UTP20: variants seen among roughly 807,000 people sequenced by gnomAD.
The protein encoded by UTP20 is small subunit processome component 20 homolog.
UTP20 carries 164 observed loss-of-function variants against 329.5 expected under a neutral mutation model. The observed-to-expected ratio is 0.50, with a 90% CI of 0.44 to 0.57. The LOEUF is 0.57. UTP20 is among the 20% of genes least tolerant of loss of function. The pLI is 0.00. For missense variants in UTP20, 3,055 were observed against 3,284.2 expected (o/e 0.93, Z 1.71); for synonymous variants, 1,151 against 1,159.3 (o/e 0.99, Z 0.14).
At chr12:101,322,391 C>G (rs1868393928) in intron 25 of UTP20, among the ~76,000 whole-genome samples, 1 of 152,224 alleles carries the variant, frequency 6.6e-6, no homozygotes, top group Admixed American at 6.5e-5. Flanking sequence ...AGAAATATTT[C>G]ACTCTGTTTT....
At position 101,333,524 on chromosome 12, in the gene UTP20, A is replaced by G. The variant is rs552411019; in HGVS notation, c.3561+80A>G. On this transcript the variant is annotated intron_variant, in intron 28 of 61. Transcript: ENST00000261637. ...TAACTCACCAACATAGCTACCACCC[A>G]GACATGAATGCTTACCTGGGTCTTT... is the stretch of plus-strand genomic sequence containing the variant. 137 of 1,518,134 alleles carry G rather than the reference A, an allele frequency of 9.0e-5. 1 individual carries two copies. Among genetic ancestry groups the G allele is most frequent in the South Asian group, 5.1e-5 (4 of 79,104 alleles). 94.0% of individuals were successfully genotyped at this position (1,518,134 alleles called of 1,614,324 possible).
intron 29 of UTP20, among the ~76,000 whole-genome samples, chr12:101,335,925 T>C (rs139660914): frequency 2.0e-3 from 309 of 152,328 alleles, no homozygotes; most frequent in African/African-American, 6.8e-3. Context: ...TGAGAAATGT[T>C]GTATAGTTTT....
At chr12:101,317,721 G>A in intron 22 of UTP20, 58 bp downstream of exon 22, 1 of 1,492,236 alleles carries the variant, frequency 6.7e-7, no homozygotes, top group Non-Finnish European at 9.0e-7. Context: ...AACAGGAAGA[G>A]GTCTCTTACG....
chr12:101,289,356 G>A (rs1376621444), intron 6 of UTP20, among the ~76,000 whole-genome samples: 1 of 148,880 alleles, frequency 6.7e-6, no homozygotes, highest in Non-Finnish European at 1.5e-5. Flanking sequence ...CAGCCTAGGC[G>A]ACAGAGCAAG....
Position 101,338,275 on chromosome 12 carries a change from G to A in UTP20, c.3866G>A (p.Gly1289Asp), listed in dbSNP as rs1383347625. The A allele has an allele frequency of 2.5e-6, 4 of 1,613,754 alleles. No individual in the cohort carries two copies. The Admixed American group carries it at 5.0e-5, about 20-fold the overall frequency. ...TACCCTGGCATAGCAGAAAACATCGGTGGTATGTATGCTGACAAAGCAGAT... is the reference window on the plus strand; with the variant it reads ...TACCCTGGCATAGCAGAAAACATCGATGGTATGTATGCTGACAAAGCAGAT... Reference protein sequence around the residue: ...CVYPGIAENIGESITIGGRLI... With the variant: ...CVYPGIAENIDESITIGGRLI... Residue 1289 changes from glycine (G) to aspartate (D), a missense_variant and splice_region_variant, in exon 30 of 62, where the codon GGT (glycine) becomes GAT (aspartate). Around this residue, in one of 3 missense-constraint regions of UTP20, gnomAD observed 2,445 missense variants for 2,575.5 expected, o/e 0.95. Coordinates refer to ENST00000261637, the MANE Select transcript of UTP20 (RefSeq NM_014503.3).
In UTP20 at chr12:101,355,159, C is replaced by T. The variant is rs1869678110; in HGVS notation, c.5394+41C>T. ...GGGGTCCAGCAGGTCTGTGTGAATT[C>T]TGGTGTTGGTGGAGCCCTGTCACAC... On this transcript the variant is annotated intron_variant, in intron 41 of 61. Transcript: ENST00000261637. 1.9e-6 allele frequency: 3 copies of T among 1,585,026 alleles called. No homozygotes were observed. The Admixed American group carries it at 5.3e-5, about 28-fold the overall frequency.
Position 101,290,896 on chromosome 12 carries a change from C to T in UTP20, c.891+8C>T. 1 of 1,607,266 alleles carries T rather than the reference C, an allele frequency of 6.2e-7. No individual in the cohort carries two copies. The highest frequency in any genetic ancestry group is 8.5e-7 in the Non-Finnish European group (1 of 1,177,908). ...TTTTTTGAATGTTTGCAAGTGAGTT[C>T]TAATCTTTAAGGATGGGTTTTTGAT... On this transcript the variant is annotated splice_region_variant and intron_variant, in intron 8 of 61. Transcript: ENST00000261637.
chr12:101,383,233 G>T lies in UTP20; in HGVS notation c.7849G>T (p.Ala2617Ser), dbSNP rs746728087. 6.2e-7 allele frequency: 1 copy of T among 1,614,184 alleles called. No homozygotes were observed. Among genetic ancestry groups the T allele is most frequent in the Non-Finnish European group, 8.5e-7 (1 of 1,180,042 alleles). ...EEVKEELGRP[A>S]TLLWLIQKLS... ...GGTGAAGGAAGAGCTCGGCAGGCCG[G>T]CCACGCTGCTGTGGTTGATCCAGAA... The change falls in exon 59 of 62, where the codon GCC (alanine) becomes TCC (serine). Residue 2617 changes from alanine (A) to serine (S), a missense_variant. By Grantham distance (99) the Ala-to-Ser change is moderately conservative. Coordinates refer to ENST00000261637, the MANE Select transcript of UTP20 (RefSeq NM_014503.3).
In UTP20 at chr12:101,309,768, G is replaced by A. The variant is rs139171605; in HGVS notation, c.2160G>A (p.Pro720=). The part of the protein sequence containing the change: ...AVPDGPLQEV[P]LRYLLGMLYI... ...CTAGTCTTTTGTAATTGCAGGTGCC[G>A]CTTCGTTATTTGTTAGGCATGCTAT... The change falls in exon 19 of 62, where the codon CCG becomes CCA. Residue 720 remains proline (P), a synonymous_variant. Transcript: ENST00000261637. The A allele has an allele frequency of 0.013, 21,236 of 1,613,102 alleles. 182 individuals are homozygous for A. Among genetic ancestry groups the A allele is most frequent in the Middle Eastern group, 0.02 (115 of 5,838 alleles).
rs765081808 is a variant in UTP20 at position 101,338,869 on chromosome 12, T to A, written c.3925T>A (p.Tyr1309Asn). 1.2e-6 allele frequency: 2 copies of A among 1,612,420 alleles called. No individual in the cohort carries two copies. The highest frequency in any genetic ancestry group is 1.7e-6 in the Non-Finnish European group (2 of 1,179,572). ...ILPHVPAILQ[Y>N]LSKTTISAEK... ...ACCTCATGTACCTGCAATTCTTCAGTATCTCAGCAAAACCACAATAAGCGC... is the reference window on the plus strand; with the variant it reads ...ACCTCATGTACCTGCAATTCTTCAGAATCTCAGCAAAACCACAATAAGCGC... Residue 1309 changes from tyrosine to asparagine, a missense_variant, in exon 31 of 62, where the codon TAT becomes AAT. Coordinates refer to ENST00000261637, the MANE Select transcript of UTP20 (RefSeq NM_014503.3).
In UTP20 at chr12:101,345,734, CA is replaced by C. The variant is rs145219484; in HGVS notation, c.4746+41del. On this transcript the variant is annotated intron_variant, in intron 37 of 61. Coordinates refer to ENST00000261637, the MANE Select transcript of UTP20 (RefSeq NM_014503.3). ...TGCTTTTTCCTACCTACGACATAAG[CA>C]TACATATTTCAAACAGTTCTACCTC... 860 of 1,562,304 alleles carry C rather than the reference CA, an allele frequency of 5.5e-4. 3 individuals carry two copies. In the African/African-American group the frequency reaches 0.01, roughly 19 times the overall value.
chr12:101,319,696 T>G (rs776402280), intron 23 of UTP20, 61 bp downstream of exon 23: 49 of 1,399,256 alleles, frequency 3.5e-5, no homozygotes, highest in Non-Finnish European at 4.4e-5. Flanking sequence ...TCATTTTCTT[T>G]GTCAGAGTAG....
chr12:101,383,198 A>AGAAGGAAGAGGT lies in UTP20; in HGVS notation c.7825_7836dup (p.Val2609_Glu2612dup). 6.2e-7 allele frequency: 1 copy of AGAAGGAAGAGGT among 1,614,174 alleles called. No homozygotes were observed. The highest frequency in any genetic ancestry group is 8.5e-7 in the Non-Finnish European group (1 of 1,180,032). On this transcript the variant is annotated inframe_insertion, in exon 59 of 62. Coordinates refer to ENST00000261637, the MANE Select transcript of UTP20 (RefSeq NM_014503.3). Reference sequence around the variant, plus strand: ...GAGAAGGCGGAGTCTGACGGAGAAGAGAAGGAAGAGGTGAAGGAAGAGCTC... The same window carrying AGAAGGAAGAGGT: ...GAGAAGGCGGAGTCTGACGGAGAAGAGAAGGAAGAGGTGAAGGAAGAGGTGAAGGAAGAGCTC...
At chr12:101,378,386 A>G (rs1053584615) in intron 56 of UTP20, among the ~76,000 whole-genome samples, 3 of 152,190 alleles carry the variant, frequency 2.0e-5, no homozygotes, top group Admixed American at 1.3e-4. Flanking sequence ...CTGATTAGAA[A>G]CAAGCCTGTA....
At chr12:101,360,783 C>T (rs926534340) in intron 43 of UTP20, among the ~76,000 whole-genome samples, 7 of 152,076 alleles carry the variant, frequency 4.6e-5, no homozygotes, top group Admixed American at 2.0e-4. Flanking sequence ...GAGCTGAGAT[C>T]GCACCACTGC....
chr12:101,375,598 T>C, intron 55 of UTP20, 26 bp from the exon 56 acceptor site: 1 of 1,605,880 alleles, frequency 6.2e-7, no homozygotes, highest in Non-Finnish European at 8.5e-7. Flanking sequence ...GTTGTTTTCA[T>C]TGATTTACAT....
At chr12:101,316,654 G>T (rs1472935294) in intron 21 of UTP20, among the ~76,000 whole-genome samples, 5 of 152,170 alleles carry the variant, frequency 3.3e-5, no homozygotes, top group Non-Finnish European at 5.9e-5. Context: ...TTTTATCAGT[G>T]TGTTTTTGAG....
At chr12:101,308,041 C>CAA in intron 17 of UTP20, 144 bp from the exon 18 acceptor site, 33 of 622,104 alleles carry the variant, frequency 5.3e-5, no homozygotes, top group South Asian at 2.6e-4. Context: ...AATCATTTAC[C>CAA]AAAAAAAAAA....
chr12:101,376,878 C>A (rs1188687716), intron 56 of UTP20, among the ~76,000 whole-genome samples: 1 of 152,010 alleles, frequency 6.6e-6, no homozygotes, highest in South Asian at 2.1e-4. Flanking sequence ...GAACTCCTGA[C>A]CTCAGGTGAT....
Sources: allele counts gnomAD v4.1 joint callset (sites outside exome capture counted in the v4.1 genomes callset), GRCh38; gene constraint gnomAD v4.1.1; regional missense constraint gnomAD v4.1.1; transcripts MANE v1.5; gene names NCBI Gene and HGNC (gene_info 2026-07-23, HGNC 2026-07-21).